The following BRD1 variants were observed in gnomAD, a reference collection of about 807,000 sequenced individuals.
The protein encoded by BRD1 is bromodomain containing 1, also known as bromodomain-containing protein 1.
BRD1 carries 24 observed loss-of-function variants against 107.7 expected under a neutral mutation model. The observed-to-expected ratio is 0.22, with a 90% CI of 0.16 to 0.31. BRD1 has a LOEUF of 0.31. BRD1 is among the 10% of genes least tolerant of loss of function. The pLI, the probability that BRD1 is intolerant of heterozygous loss-of-function variation, is 1.00. For synonymous variants in BRD1, 744 were observed against 686.1 expected (o/e 1.08, Z -1.32); for missense variants, 1,279 against 1,638.6 (o/e 0.78, Z 3.79).
chr22:49,775,972 A>C, intron 11 of BRD1, 78 bp downstream of exon 11: 1 of 1,254,512 alleles, frequency 8.0e-7, no homozygotes, highest in East Asian at 2.7e-5. Context: ...CACCGCCGTG[A>C]GCCTCCTCGG....
rs746805698 is a variant in BRD1 at position 49,794,102 on chromosome 22, G to C, written c.2291C>G (p.Pro764Arg). The C allele has an allele frequency of 6.2e-7, 1 of 1,614,224 alleles. No individual in the cohort carries two copies. The highest frequency in any genetic ancestry group is 1.1e-5 in the South Asian group (1 of 91,090). The part of the protein sequence containing the change: ...KLSQQHSQPL[P>R]TGPGLEGFEE... ...GAAGCCTTCCAAGCCTGGCCCCGTGGGCAGGGGCTGGCTGTGCTGCTGGCT... is the reference window on the plus strand; with the variant it reads ...GAAGCCTTCCAAGCCTGGCCCCGTGCGCAGGGGCTGGCTGTGCTGCTGGCT... The change falls in exon 7 of 13, where the codon CCC (proline) becomes CGC (arginine). Residue 764 changes from proline to arginine, a missense_variant. Pro to Arg is a moderately radical substitution (Grantham distance 103). Around this residue, in one of 7 missense-constraint regions of BRD1, gnomAD observed 406 missense variants for 519.4 expected, o/e 0.78. Transcript: ENST00000404760.
Position 49,798,836 on chromosome 22 carries a change from C to G in BRD1, c.1657-150G>C. 2.1e-6 allele frequency: 3 copies of G among 1,433,440 alleles called. No individual in the cohort carries two copies. In the South Asian group the frequency reaches 4.4e-5, roughly 21 times the overall value. 88.8% of individuals were successfully genotyped at this position (1,433,440 alleles called of 1,614,324 possible). A position where few individuals can be genotyped will look rare whatever the true frequency, so the allele number is the denominator to read the frequency against. ...CAGCCTCCACTTAGGGCTCTGCAAC[C>G]CATGGCAGCCAGGCACCCAGCCTGG... On this transcript the variant is annotated intron_variant, in intron 4 of 12. Coordinates refer to ENST00000404760, the MANE Select transcript of BRD1 (RefSeq NM_001304808.3).
rs1431606458 is a variant in BRD1, at chr22:49,783,051, C to T, written c.2857+4339G>A. 6.6e-6 allele frequency among the ~76,000 whole-genome samples: 1 copy of T among 151,616 alleles called. No homozygotes were observed. The highest frequency in any genetic ancestry group is 1.5e-5 in the Non-Finnish European group (1 of 67,914). ...ACCCAAGGCCCATCGTGCTGGGACT[C>T]GCTCCGTGACAATGCAGCTGGGATG... is the stretch of plus-strand genomic sequence containing the variant. On this transcript the variant is annotated intron_variant, in intron 8 of 12. Transcript: ENST00000404760. The surrounding 1 kb of genome is among the most constrained non-coding windows in gnomAD (Gnocchi z 4.2).
Position 49,803,481 on chromosome 22 carries a change from C to T in BRD1, c.1524+723G>A, listed in dbSNP as rs552420847. 1.2e-4 allele frequency among the ~76,000 whole-genome samples: 18 copies of T among 152,318 alleles called. No individual in the cohort carries two copies. Among genetic ancestry groups the T allele is most frequent in the South Asian group, 2.1e-4 (1 of 4,824 alleles). ...AGGGCGCTGGCCGCAGGTCCTGGGC[C>T]GTGTGCAGAGCTGCTTGTGTTTTCA... On this transcript the variant is annotated intron_variant, in intron 3 of 12. Coordinates refer to ENST00000404760, the MANE Select transcript of BRD1 (RefSeq NM_001304808.3). This position sits in a 1 kb window ranked among gnomAD's most constrained non-coding sequence, Gnocchi z 4.4.
intron 2 of BRD1, chr22:49,807,061 G>C (rs1385484021): frequency 6.6e-6 from 1 of 151,124 alleles, no homozygotes; most frequent in African/African-American, 2.4e-5. Context: ...GAGGTCACCA[G>C]AGTTCCAACA....
intron 2 of BRD1, among the ~76,000 whole-genome samples, chr22:49,822,037 G>C (rs1454741213): frequency 1.3e-5 from 2 of 152,254 alleles, no homozygotes; most frequent in Middle Eastern, 3.2e-3. Flanking sequence ...CAGTCACTGG[G>C]AAGCCCAGGC....
chr22:49,775,549 C>A (rs755138688), intron 12 of BRD1, 42 bp downstream of exon 12: 5 of 1,359,236 alleles, frequency 3.7e-6, no homozygotes, highest in Admixed American at 2.7e-5. Context: ...CGGCCCCCAA[C>A]CACCCCAGCC....
intron 2 of BRD1, among the ~76,000 whole-genome samples, chr22:49,811,424 T>C (rs2059846908): frequency 6.6e-6 from 1 of 152,160 alleles, no homozygotes; most frequent in Non-Finnish European, 1.5e-5. Context: ...AGTCCCCCCT[T>C]AACCAAGGGG....
At chr22:49,804,013 C>A (rs1457697633) in intron 3 of BRD1, among the ~76,000 whole-genome samples, 191 bp downstream of exon 3, 1 of 151,888 alleles carries the variant, frequency 6.6e-6, no homozygotes, top group Non-Finnish European at 1.5e-5. Context: ...AGAATCACCC[C>A]CCGAGTCGCA....
At chr22:49,781,517 A>G (rs1347177622) in intron 8 of BRD1, among the ~76,000 whole-genome samples, 2 of 152,250 alleles carry the variant, frequency 1.3e-5, no homozygotes, top group Non-Finnish European at 2.9e-5. Flanking sequence ...CAGGTGTAAG[A>G]ACACCAGGCC....
At position 49,787,305 on chromosome 22, in the gene BRD1, C is replaced by A. The variant is rs1049071154; in HGVS notation, c.2857+85G>T. On this transcript the variant is annotated intron_variant, in intron 8 of 12. Transcript: ENST00000404760. The stretch of plus-strand genomic sequence containing the variant: ...GCAAAAACAGAAGCTGGACACCCCC[C>A]CCCCCCCGTCACACCAATGATCCTG... The A allele has an allele frequency of 1.8e-5, 17 of 939,368 alleles. 3 individuals are homozygous for A. Among genetic ancestry groups the A allele is most frequent in the Admixed American group, 9.9e-5 (3 of 30,192 alleles). 58.2% of individuals were successfully genotyped at this position (939,368 alleles called of 1,614,324 possible).
chr22:49,777,279 G>T lies in BRD1; in HGVS notation c.2994-118C>A, dbSNP rs61449794. On this transcript the variant is annotated intron_variant, in intron 9 of 12. Transcript: ENST00000404760. ...GCCACGCATCCTGCCTGACACCCCC[G>T]CGGCCAGACGGGCCTGTGGGTGCGC... is the stretch of plus-strand genomic sequence containing the variant. 3.5e-3 allele frequency: 5,146 copies of T among 1,485,316 alleles called. 137 individuals are homozygous for T. The African/African-American group carries it at 0.062, about 18-fold the overall frequency. 92.0% of individuals were successfully genotyped at this position (1,485,316 alleles called of 1,614,324 possible).
chr22:49,824,642 G>C lies in BRD1; in HGVS notation c.-14-311C>G. 8.6e-7 allele frequency: 1 copy of C among 1,164,452 alleles called. No homozygotes were observed. Among genetic ancestry groups the C allele is most frequent in the Non-Finnish European group, 1.1e-6 (1 of 937,754 alleles). The allele number at this position is 1,164,452 out of a possible 1,614,324, so 72.1% of individuals were successfully genotyped here. On this transcript the variant is annotated intron_variant, in intron 1 of 12. Coordinates refer to ENST00000404760, the MANE Select transcript of BRD1 (RefSeq NM_001304808.3). This position sits in a 1 kb window ranked among gnomAD's most constrained non-coding sequence, Gnocchi z 5.9. ...AACAGGCTGCGGAGACCACAGCAAC[G>C]CTCCCCAAGGAGGAGGGGTCCGGCC...
In BRD1 at chr22:49,784,787, G is replaced by A. The variant is rs376545624; in HGVS notation, c.2857+2603C>T. ...TGAAACCAAAGCGAGGGCGGATGGC[G>A]GGACTGGCACCATTCAGAGCACGCC... On this transcript the variant is annotated intron_variant, in intron 8 of 12. Coordinates refer to ENST00000404760, the MANE Select transcript of BRD1 (RefSeq NM_001304808.3). 3.9e-5 allele frequency among the ~76,000 whole-genome samples: 6 copies of A among 152,338 alleles called. No homozygotes were observed. The South Asian group carries it at 1.0e-3, about 26-fold the overall frequency.
rs184542565 is a variant in BRD1 at position 49,792,536 on chromosome 22, G to C, written c.2359+1498C>G. Among the ~76,000 whole-genome samples, 1 of 152,324 alleles carries C rather than the reference G, an allele frequency of 6.6e-6. No homozygotes were observed. The highest frequency in any genetic ancestry group is 6.5e-5 in the Admixed American group (1 of 15,298). On this transcript the variant is annotated intron_variant, in intron 7 of 12. Coordinates refer to ENST00000404760, the MANE Select transcript of BRD1 (RefSeq NM_001304808.3). This position sits in a 1 kb window ranked among gnomAD's most constrained non-coding sequence, Gnocchi z 4.2. The stretch of plus-strand genomic sequence containing the variant: ...ACACGAGGCCCCCAAAGCAGAGGAG[G>C]GATCACGTGCCAACAATAACAGCCT...
intron 10 of BRD1, 137 bp downstream of exon 10, chr22:49,776,897 C>G (rs199638840): frequency 6.1e-5 from 79 of 1,284,854 alleles, no homozygotes; most frequent in Admixed American, 1.4e-4. Flanking sequence ...ATGAACCCTT[C>G]CCCGGGAGGT....
In BRD1 at chr22:49,827,478, C is replaced by G. The variant is rs1246530314; in HGVS notation, c.-15+19G>C. On this transcript the variant is annotated intron_variant, in intron 1 of 12. Coordinates refer to ENST00000404760, the MANE Select transcript of BRD1 (RefSeq NM_001304808.3). ...GAGGCGGCGGGGAGGCCTCCCCGGCCAGGCCCCCGCCCACTCACCTTCGGG... is the reference window on the plus strand; with the variant it reads ...GAGGCGGCGGGGAGGCCTCCCCGGCGAGGCCCCCGCCCACTCACCTTCGGG... The G allele has an allele frequency of 3.4e-5, 5 of 145,216 alleles. No homozygotes were observed. The highest frequency in any genetic ancestry group is 7.6e-5 in the Non-Finnish European group (5 of 65,360). The allele number at this position is 145,216 out of a possible 1,614,324, so 9.0% of individuals were successfully genotyped here.
chr22:49,799,532 A>C (rs929290695), intron 3 of BRD1, among the ~76,000 whole-genome samples: 1 of 152,202 alleles, frequency 6.6e-6, no homozygotes, highest in African/African-American at 2.4e-5. Flanking sequence ...GAGCGGCTGG[A>C]AAGAAACCAG....
rs759739924 is a variant in BRD1 at position 49,797,935 on chromosome 22, G to A, written c.1968C>T (p.Arg656=). Residue 656 remains arginine, a synonymous_variant, in exon 6 of 13, where the codon CGC becomes CGT. Coordinates refer to ENST00000404760, the MANE Select transcript of BRD1 (RefSeq NM_001304808.3). The part of the protein sequence containing the change: ...TVFYRAAVRL[R]DQGGVVLRQA... ...GCCTCAGAACAACACCTCCCTGATCGCGCAGCCTCACCGCGGCTCTATAGA... is the reference window on the plus strand; with the variant it reads ...GCCTCAGAACAACACCTCCCTGATCACGCAGCCTCACCGCGGCTCTATAGA... The A allele has an allele frequency of 3.3e-5, 53 of 1,614,078 alleles. 1 individual carries two copies. The South Asian group carries it at 4.9e-4, about 15-fold the overall frequency.
Sources: allele counts gnomAD v4.1 joint callset (sites outside exome capture counted in the v4.1 genomes callset), GRCh38; gene constraint gnomAD v4.1.1; regional missense constraint gnomAD v4.1.1; non-coding constraint Gnocchi (gnomAD v3.1); transcripts MANE v1.5; gene names NCBI Gene and HGNC (gene_info 2026-07-23, HGNC 2026-07-21).